Variants in IQCM observed in about 807,000 individuals in gnomAD.
IQCM encodes the protein IQ motif containing M.
Under a neutral mutation model 57.6 loss-of-function variants are expected in IQCM, and 45 were observed. That is an observed-to-expected ratio of 0.78 (90% CI 0.62 to 1.00). The LOEUF (loss-of-function observed/expected upper bound fraction) is 1.00, where lower values mean the gene tolerates loss of function less well. Among genes scored for constraint, IQCM ranks in the 50% least tolerant of loss-of-function variants. IQCM has a pLI of 0.00. For missense variants in IQCM, 468 were observed against 511.6 expected (o/e 0.91, Z 0.82); for synonymous variants, 148 against 158.9 (o/e 0.93, Z 0.51).
intron 12 of IQCM, among the ~76,000 whole-genome samples, chr4:149,444,515 T>C (rs1318412678): frequency 6.6e-6 from 1 of 151,912 alleles, no homozygotes; most frequent in Non-Finnish European, 1.5e-5. Context: ...ATTGCTTGAA[T>C]AAAGATAGGC....
intron 12 of IQCM, among the ~76,000 whole-genome samples, chr4:149,523,985 C>T (rs1358844765): frequency 6.6e-6 from 1 of 151,522 alleles, no homozygotes; most frequent in Non-Finnish European, 1.5e-5. Flanking sequence ...GTATAATAAC[C>T]CTAACCAGGA....
intron 9 of IQCM, among the ~76,000 whole-genome samples, chr4:149,586,036 TG>T (rs1752615198): frequency 6.6e-6 from 1 of 151,662 alleles, no homozygotes; most frequent in Non-Finnish European, 1.5e-5. Flanking sequence ...ACATTCATCG[TG>T]GAGGCTGTCC....
chr4:149,591,982 T>C (rs940899728), intron 8 of IQCM, among the ~76,000 whole-genome samples: 1 of 152,162 alleles, frequency 6.6e-6, no homozygotes, highest in African/African-American at 2.4e-5. Flanking sequence ...ACGGGATGGC[T>C]GGGTCAAATG....
intron 13 of IQCM, 59 bp from the exon 14 acceptor site, chr4:149,352,125 A>G: frequency 2.5e-6 from 1 of 398,534 alleles, no homozygotes; most frequent in African/African-American, 2.1e-5. Context: ...ATAGTAATGT[A>G]CCATGGTTTT....
chr4:149,462,395 C>T (rs1044935840), intron 12 of IQCM, among the ~76,000 whole-genome samples: 1 of 152,116 alleles, frequency 6.6e-6, no homozygotes, highest in Admixed American at 6.5e-5. Context: ...AATGGAAGGC[C>T]AAGCCCACTG....
intron 2 of IQCM, among the ~76,000 whole-genome samples, chr4:149,814,439 G>T (rs1774866067): frequency 6.6e-6 from 1 of 151,844 alleles, no homozygotes; most frequent in Non-Finnish European, 1.5e-5. Context: ...CATTCTGAAA[G>T]AACAACCCAG....
At chr4:149,425,293 A>T (rs1240210036) in intron 13 of IQCM, among the ~76,000 whole-genome samples, 1 of 152,000 alleles carries the variant, frequency 6.6e-6, no homozygotes, top group Admixed American at 6.6e-5. Flanking sequence ...ACATAAAGAA[A>T]TTGATTATGA....
intron 7 of IQCM, among the ~76,000 whole-genome samples, chr4:149,665,568 T>C (rs989294471): frequency 4.6e-5 from 7 of 152,166 alleles, no homozygotes; most frequent in African/African-American, 1.4e-4. Flanking sequence ...TGTTTATTTG[T>C]TGTTTCGGTC....
intron 13 of IQCM, among the ~76,000 whole-genome samples, chr4:149,374,333 C>G (rs1037506259): frequency 1.3e-5 from 2 of 152,122 alleles, no homozygotes; most frequent in African/African-American, 2.4e-5. Context: ...TTGACTGATA[C>G]AGTATTCATT....
chr4:149,408,484 T>C lies in IQCM; in HGVS notation c.1390+24912A>G, dbSNP rs184733623. The stretch of plus-strand genomic sequence containing the variant: ...TACCTCTGAATGCCTTTTGTTCCTA[T>C]CTCATAAGAAATACCCATTAGAAAT... On this transcript the variant is annotated intron_variant, in intron 13 of 13. Transcript: ENST00000636793. Among the ~76,000 whole-genome samples, 280 of 152,254 alleles carry C rather than the reference T, an allele frequency of 1.8e-3. 1 individual carries two copies. Among genetic ancestry groups the C allele is most frequent in the African/African-American group, 6.5e-3 (270 of 41,572 alleles).
At chr4:149,373,186 T>G (rs1730479484) in intron 13 of IQCM, among the ~76,000 whole-genome samples, 1 of 152,184 alleles carries the variant, frequency 6.6e-6, no homozygotes, top group African/African-American at 2.4e-5. Flanking sequence ...TATGTTATTT[T>G]ATTTTTTTAA....
chr4:149,616,104 AC>A (rs140613533), intron 8 of IQCM, among the ~76,000 whole-genome samples: 3,065 of 152,280 alleles, frequency 0.02, 58 homozygotes, highest in African/African-American at 0.048. Flanking sequence ...CTGGGTACAC[AC>A]CCAGAAGAAG....
intron 12 of IQCM, among the ~76,000 whole-genome samples, chr4:149,456,811 C>T (rs377212816): frequency 7.4e-4 from 112 of 152,178 alleles, no homozygotes; most frequent in African/African-American, 2.5e-3. Context: ...GCTGTTTTCT[C>T]ATATGCCAAA....
intron 2 of IQCM, among the ~76,000 whole-genome samples, chr4:149,768,440 C>G (rs1359383984): frequency 1.3e-5 from 2 of 151,962 alleles, no homozygotes; most frequent in African/African-American, 4.8e-5. Flanking sequence ...TCATAGATAA[C>G]CAACAGTTAA....
At position 149,501,842 on chromosome 4, in the gene IQCM, GAGC is replaced by G. The variant is rs548011527; in HGVS notation, c.1228+46610_1228+46612del. Among the ~76,000 whole-genome samples, 72 of 152,240 alleles carry G rather than the reference GAGC, an allele frequency of 4.7e-4. No individual in the cohort carries two copies. The South Asian group carries it at 0.014, about 30-fold the overall frequency. On this transcript the variant is annotated intron_variant, in intron 12 of 13. Transcript: ENST00000636793. ...GGCTACAGTTATGTGCAGATGAATG[GAGC>G]AGCAGCAGATCAGGAAGGTTGACCC...
intron 7 of IQCM, among the ~76,000 whole-genome samples, chr4:149,634,394 C>T (rs1216570886): frequency 1.3e-5 from 2 of 152,208 alleles, no homozygotes; most frequent in Non-Finnish European, 2.9e-5. Flanking sequence ...GAACAGAACA[C>T]ATCCCATTGC....
intron 12 of IQCM, among the ~76,000 whole-genome samples, chr4:149,493,693 GAATGTGTGCATAAT>G (rs1256682498): frequency 6.6e-6 from 1 of 152,022 alleles, no homozygotes; most frequent in East Asian, 1.9e-4. Flanking sequence ...TGCAGTCTGA[GAATGTGTGCATAAT>G]AAGAGAATGA....
intron 7 of IQCM, among the ~76,000 whole-genome samples, chr4:149,624,895 T>C (rs1056423131): frequency 3.9e-5 from 6 of 152,196 alleles, no homozygotes; most frequent in African/African-American, 7.2e-5. Context: ...ATTACTGAGT[T>C]TAGTGGTCCC....
At chr4:149,621,071 C>G in intron 8 of IQCM, 58 bp downstream of exon 8, 1 of 765,656 alleles carries the variant, frequency 1.3e-6, no homozygotes. Context: ...AAAATTAATG[C>G]AATAATTTAC....
Sources: allele counts gnomAD v4.1 joint callset (sites outside exome capture counted in the v4.1 genomes callset), GRCh38; gene constraint gnomAD v4.1.1; transcripts MANE v1.5; gene names NCBI Gene and HGNC (gene_info 2026-07-23, HGNC 2026-07-21).